Variants in GRIN2A observed in about 807,000 individuals in gnomAD.
GRIN2A encodes glutamate receptor ionotropic, NMDA 2A.
GRIN2A carries 22 observed loss-of-function variants against 113.4 expected under a neutral mutation model. That is an observed-to-expected ratio of 0.19 (90% CI 0.14 to 0.28). The LOEUF is 0.28. GRIN2A is among the 10% of genes least tolerant of loss of function. The probability of loss-of-function intolerance (pLI) is 1.00; values close to 1 mark genes in which losing one functional copy is unlikely to be tolerated. For missense variants in GRIN2A, 1,502 were observed against 1,887.0 expected (o/e 0.80, Z 3.78); for synonymous variants, 827 against 738.4 (o/e 1.12, Z -1.94).
chr16:9,807,722 G>C (rs1171478558), intron 10 of GRIN2A, among the ~76,000 whole-genome samples: 1 of 152,164 alleles, frequency 6.6e-6, no homozygotes, highest in African/African-American at 2.4e-5. Flanking sequence ...CACCAAAGCA[G>C]TGTGCCTTCA....
chr16:9,927,544 T>C (rs1040051383), intron 3 of GRIN2A, among the ~76,000 whole-genome samples: 1 of 152,212 alleles, frequency 6.6e-6, no homozygotes, highest in Non-Finnish European at 1.5e-5. Flanking sequence ...TCTTCTGGAA[T>C]TTTTGTTACG....
At chr16:10,125,397 C>T (rs974170316) in intron 2 of GRIN2A, among the ~76,000 whole-genome samples, 3 of 152,130 alleles carry the variant, frequency 2.0e-5, no homozygotes, top group African/African-American at 7.2e-5. Flanking sequence ...AGTGGAAAGA[C>T]CCTTGTTAGG....
At chr16:10,024,443 C>A (rs1671665705) in intron 2 of GRIN2A, among the ~76,000 whole-genome samples, 8 of 152,246 alleles carry the variant, frequency 5.3e-5, no homozygotes. Context: ...TGGTCTCAAA[C>A]TCCCAACCTC....
intron 12 of GRIN2A, 102 bp downstream of exon 12, chr16:9,768,749 C>T: frequency 2.4e-6 from 2 of 827,032 alleles, no homozygotes; most frequent in Admixed American, 3.4e-5. Flanking sequence ...CCAAGAAAGG[C>T]TGGTAAGGGG....
rs141909299 is a variant in GRIN2A at position 9,775,571 on chromosome 16, G to A, written c.2357-6482C>T. 1.2e-3 allele frequency among the ~76,000 whole-genome samples: 183 copies of A among 152,334 alleles called. 1 individual carries two copies. Among genetic ancestry groups the A allele is most frequent in the East Asian group, 7.9e-3 (41 of 5,186 alleles). On this transcript the variant is annotated intron_variant, in intron 11 of 12. Transcript: ENST00000330684. ...TGGATTTGCATAGGGCTGGAGGCAG[G>A]AAGAAACAAGGAGTGTTGAGATCAG...
chr16:9,759,606 CTAAA>C lies in GRIN2A; in HGVS notation c.*3539_*3542del, dbSNP rs1380406408. ...AATTTTAATGCTTTCACCAGAAAAA[CTAAA>C]TACTCAGACTCTCTGGCATCCTGTG... On this transcript the variant is annotated 3_prime_UTR_variant, in exon 13 of 13. Coordinates refer to ENST00000330684, the MANE Select transcript of GRIN2A (RefSeq NM_001134407.3). 1.3e-5 allele frequency: 3 copies of C among 229,322 alleles called. No individual in the cohort carries two copies. Among genetic ancestry groups the C allele is most frequent in the African/African-American group, 4.4e-5 (2 of 45,118 alleles). 14.2% of individuals were successfully genotyped at this position (229,322 alleles called of 1,614,324 possible). A position where few individuals can be genotyped will look rare whatever the true frequency, so the allele number is the denominator to read the frequency against.
At chr16:10,147,455 C>CAAAAAAAAAAAAAAAAA (rs367830700) in intron 2 of GRIN2A, among the ~76,000 whole-genome samples, 2 of 72,942 alleles carry the variant, frequency 2.7e-5, no homozygotes, top group Non-Finnish European at 4.7e-5. Context: ...ACTAAAAATA[C>CAAAAAAAAAAAAAAAAA]AAAAAAAAAA....
At chr16:10,044,020 T>TAGAGAGAGAG (rs1394786989) in intron 2 of GRIN2A, among the ~76,000 whole-genome samples, 1 of 116,870 alleles carries the variant, frequency 8.6e-6, no homozygotes, top group African/African-American at 3.5e-5. Context: ...TATATATATA[T>TAGAGAGAGAG]ATAGAGAGAG....
At chr16:10,051,250 G>A (rs751992595) in intron 2 of GRIN2A, among the ~76,000 whole-genome samples, 4 of 152,078 alleles carry the variant, frequency 2.6e-5, no homozygotes, top group Middle Eastern at 3.2e-3. Flanking sequence ...CTGTACTTTG[G>A]GACTGTTTTT....
At chr16:10,085,280 G>C (rs1340107860) in intron 2 of GRIN2A, among the ~76,000 whole-genome samples, 1 of 152,158 alleles carries the variant, frequency 6.6e-6, no homozygotes, top group Non-Finnish European at 1.5e-5. Context: ...CTTCAAAGGA[G>C]GCAAGGTGAG....
At chr16:9,843,400 G>C (rs1394598600) in intron 5 of GRIN2A, among the ~76,000 whole-genome samples, 2 of 152,148 alleles carry the variant, frequency 1.3e-5, no homozygotes, top group African/African-American at 4.8e-5. Flanking sequence ...TGTGATCATG[G>C]CTCATGGCAG....
chr16:10,145,220 T>G (rs529136800), intron 2 of GRIN2A, among the ~76,000 whole-genome samples: 2 of 152,302 alleles, frequency 1.3e-5, no homozygotes, highest in African/African-American at 4.8e-5. Context: ...GTTTTAGTTA[T>G]GCAGGATGAA....
At chr16:9,775,823 A>T (rs537579374) in intron 11 of GRIN2A, among the ~76,000 whole-genome samples, 14 of 152,168 alleles carry the variant, frequency 9.2e-5, no homozygotes, top group Non-Finnish European at 1.6e-4. Context: ...CCCTGATTGG[A>T]AATCCAGTGT....
intron 2 of GRIN2A, among the ~76,000 whole-genome samples, chr16:9,944,696 C>A (rs1235254857): frequency 2.0e-5 from 3 of 152,136 alleles, no homozygotes; most frequent in African/African-American, 7.2e-5. Context: ...GCCCTCCTGA[C>A]TTCTGCTCAG....
At chr16:10,078,660 G>A (rs1032932567) in intron 2 of GRIN2A, among the ~76,000 whole-genome samples, 1 of 152,162 alleles carries the variant, frequency 6.6e-6, no homozygotes, top group African/African-American at 2.4e-5. Context: ...ACTGCCCTGC[G>A]AGGCAACCTC....
intron 2 of GRIN2A, chr16:10,112,860 G>T (rs138017127): frequency 7.3e-6 from 4 of 547,178 alleles, no homozygotes; most frequent in South Asian, 1.7e-5. Flanking sequence ...TGGCCTGCAC[G>T]CTTACCAGAA....
chr16:9,826,002 G>T (rs1027809945), intron 9 of GRIN2A, among the ~76,000 whole-genome samples: 1 of 150,480 alleles, frequency 6.6e-6, no homozygotes, highest in African/African-American at 2.4e-5. Context: ...GAGAAGGAGA[G>T]GGGGAGGAAT....
intron 2 of GRIN2A, among the ~76,000 whole-genome samples, chr16:9,943,855 A>G (rs1469482934): frequency 2.6e-5 from 4 of 152,208 alleles, no homozygotes; most frequent in Non-Finnish European, 5.9e-5. Flanking sequence ...ATTGAAAGGG[A>G]ATCTCTGTGG....
At chr16:10,132,374 G>A (rs2049084420) in intron 2 of GRIN2A, among the ~76,000 whole-genome samples, 1 of 120,226 alleles carries the variant, frequency 8.3e-6, no homozygotes, top group South Asian at 3.0e-4. Context: ...GAAATAACTT[G>A]TCCAAAGTAA....
Sources: gnomAD v4.1 joint callset for allele counts (sites outside exome capture counted in the v4.1 genomes callset) on GRCh38, gnomAD v4.1.1 for gene constraint, MANE v1.5 for transcripts, NCBI Gene and HGNC (gene_info 2026-07-23, HGNC 2026-07-21) for gene names.